KCNIP4: variants seen among roughly 807,000 people sequenced by gnomAD.
The protein encoded by KCNIP4 is Kv channel-interacting protein 4.
KCNIP4 carries 12 observed loss-of-function variants against 34.0 expected under a neutral mutation model. The ratio of observed to expected loss-of-function variants is 0.35; its 90% CI spans 0.23 to 0.57. The LOEUF is 0.57. KCNIP4 is among the 20% of genes least tolerant of loss of function. The pLI, the probability that KCNIP4 is intolerant of heterozygous loss-of-function variation, is 0.83. For missense variants in KCNIP4, 238 were observed against 311.7 expected, an observed-to-expected ratio of 0.76 and a Z score of 1.78; for synonymous variants, 124 against 102.2, an observed-to-expected ratio of 1.21 and a Z score of -1.29.
At chr4:21,073,836 T>C (rs1161389775) in intron 1 of KCNIP4, among the ~76,000 whole-genome samples, 1 of 152,214 alleles carries the variant, frequency 6.6e-6, no homozygotes, top group East Asian at 1.9e-4. Flanking sequence ...ATTGAGAGTT[T>C]TTAGCATGAA....
chr4:20,975,047 T>C (rs1735346096), intron 1 of KCNIP4, among the ~76,000 whole-genome samples: 1 of 152,192 alleles, frequency 6.6e-6, no homozygotes, highest in Admixed American at 6.5e-5. Context: ...CTACGACTAG[T>C]ACTCCATTTT....
intron 1 of KCNIP4, among the ~76,000 whole-genome samples, chr4:21,618,826 G>A (rs1254600248): frequency 6.6e-6 from 1 of 151,332 alleles, no homozygotes; most frequent in Non-Finnish European, 1.5e-5. Flanking sequence ...GTAGAGACGG[G>A]ATTTCACCCT....
chr4:20,734,879 TCAGA>T (rs1285139227), intron 5 of KCNIP4, 144 bp from the exon 6 acceptor site: 5 of 475,044 alleles, frequency 1.1e-5, no homozygotes, highest in African/African-American at 8.1e-5. Context: ...TGTCTAGTTT[TCAGA>T]CTTCTCTGTG....
At chr4:21,485,399 C>T (rs1031877924) in intron 1 of KCNIP4, among the ~76,000 whole-genome samples, 1 of 152,130 alleles carries the variant, frequency 6.6e-6, no homozygotes, top group African/African-American at 2.4e-5. Flanking sequence ...CTCCTGCTAG[C>T]CCCTCCTACT....
rs1560803264 is a variant in KCNIP4, at chr4:21,200,322, GTGTGTA to G, written c.62-317619_62-317614del. ...TGTGTATATATATACATACATATAT[GTGTGTA>G]TATATATATACATACATATATGTGT... On this transcript the variant is annotated intron_variant, in intron 1 of 8. Transcript: ENST00000382152. Among the ~76,000 whole-genome samples the G allele has an allele frequency of 5.4e-4, 29 of 53,498 alleles. 1 individual carries two copies. Among genetic ancestry groups the G allele is most frequent in the African/African-American group, 1.9e-3 (12 of 6,258 alleles). The allele number at this position is 53,498 out of a possible 152,430, so 35.1% of individuals were successfully genotyped here. A position where few individuals can be genotyped will look rare whatever the true frequency, so the allele number is the denominator to read the frequency against.
chr4:21,523,608 A>G (rs971568068), intron 1 of KCNIP4, among the ~76,000 whole-genome samples: 1 of 151,394 alleles, frequency 6.6e-6, no homozygotes, highest in Non-Finnish European at 1.5e-5. Context: ...ATCAGTCTCT[A>G]TCACCCAGGT....
rs1346051 is a variant in KCNIP4 at position 21,175,761 on chromosome 4, C to T, written c.62-293052G>A. ...GCCAGGGTAAGATTTTGACATGCTA[C>T]GCAGAATGCCATGCAGTTTATGACT... On this transcript the variant is annotated intron_variant, in intron 1 of 8. Coordinates refer to ENST00000382152, the MANE Select transcript of KCNIP4 (RefSeq NM_025221.6). Among the ~76,000 whole-genome samples the T allele has an allele frequency of 4.5e-3, 688 of 152,226 alleles. 5 individuals are homozygous for T. Among genetic ancestry groups the T allele is most frequent in the Middle Eastern group, 0.014 (4 of 294 alleles).
At chr4:21,860,276 G>A (rs1475251188) in intron 1 of KCNIP4, among the ~76,000 whole-genome samples, 2 of 152,032 alleles carry the variant, frequency 1.3e-5, no homozygotes, top group Non-Finnish European at 2.9e-5. Context: ...TGAGATTACA[G>A]GCATGTGCCA....
At position 21,352,481 on chromosome 4, in the gene KCNIP4, G is replaced by A. The variant is rs184854105; in HGVS notation, c.62-469772C>T. Among the ~76,000 whole-genome samples, 56 of 152,322 alleles carry A rather than the reference G, an allele frequency of 3.7e-4. 1 individual carries two copies. In the East Asian group the frequency reaches 0.01, roughly 28 times the overall value. On this transcript the variant is annotated intron_variant, in intron 1 of 8. Transcript: ENST00000382152. ...GGCAGACCAGGAGATTCTCTCCTGT[G>A]CCTGGCTCAGTGGGTCCCATGACCA...
chr4:20,940,765 G>A (rs543719255), intron 1 of KCNIP4, among the ~76,000 whole-genome samples: 1 of 152,122 alleles, frequency 6.6e-6, no homozygotes, highest in Non-Finnish European at 1.5e-5. Flanking sequence ...ATTACTTCTT[G>A]TATCAGTCTT....
chr4:21,734,615 C>G (rs1451702663), intron 1 of KCNIP4, among the ~76,000 whole-genome samples: 2 of 152,030 alleles, frequency 1.3e-5, no homozygotes, highest in African/African-American at 4.8e-5. Context: ...AAATAAAGCA[C>G]AAGATACAAT....
chr4:21,833,907 T>G (rs1262368298), intron 1 of KCNIP4, among the ~76,000 whole-genome samples: 1 of 152,146 alleles, frequency 6.6e-6, no homozygotes, highest in East Asian at 1.9e-4. Flanking sequence ...GTTGTAGATA[T>G]GCGGCATTAT....
intron 1 of KCNIP4, among the ~76,000 whole-genome samples, chr4:21,319,852 TTGA>T (rs1714184714): frequency 6.6e-6 from 1 of 152,114 alleles, no homozygotes; most frequent in Admixed American, 6.6e-5. Flanking sequence ...CAAAATCAAC[TTGA>T]TGAGTTCATG....
At chr4:21,908,142 T>A (rs1728101471) in intron 1 of KCNIP4, among the ~76,000 whole-genome samples, 1 of 152,150 alleles carries the variant, frequency 6.6e-6, no homozygotes, top group South Asian at 2.1e-4. Context: ...TTAATGCCTC[T>A]TTTCTTCAGA....
At chr4:21,358,272 A>G (rs1228218794) in intron 1 of KCNIP4, among the ~76,000 whole-genome samples, 1 of 152,144 alleles carries the variant, frequency 6.6e-6, no homozygotes, top group Non-Finnish European at 1.5e-5. Context: ...TACATATGTA[A>G]CAAACCTGCA....
chr4:20,955,469 C>T (rs1193003355), intron 1 of KCNIP4, among the ~76,000 whole-genome samples: 1 of 152,056 alleles, frequency 6.6e-6, no homozygotes, highest in East Asian at 1.9e-4. Context: ...TGTGTGGTTC[C>T]CTCATGCCCT....
chr4:21,244,022 T>A, intron 1 of KCNIP4, among the ~76,000 whole-genome samples: 1 of 152,188 alleles, frequency 6.6e-6, no homozygotes, highest in East Asian at 1.9e-4. Context: ...AAGCACTTGC[T>A]GAAATGGCTT....
intron 1 of KCNIP4, among the ~76,000 whole-genome samples, chr4:21,727,037 C>G (rs776925331): frequency 4.1e-5 from 6 of 144,880 alleles, no homozygotes; most frequent in Non-Finnish European, 9.1e-5. Context: ...ACTTATTTCT[C>G]AAATGTTTTG....
chr4:21,648,066 G>A (rs1747167569), intron 1 of KCNIP4, among the ~76,000 whole-genome samples: 1 of 151,308 alleles, frequency 6.6e-6, no homozygotes, highest in African/African-American at 2.4e-5. Context: ...GTGGAGATGG[G>A]GTTTCACCGT....
Sources: gnomAD v4.1 joint callset for allele counts (sites outside exome capture counted in the v4.1 genomes callset) on GRCh38, gnomAD v4.1.1 for gene constraint, MANE v1.5 for transcripts, NCBI Gene and HGNC (gene_info 2026-07-23, HGNC 2026-07-21) for gene names.